Variants in SOX5 observed in about 807,000 individuals in gnomAD.
SOX5 encodes transcription factor SOX-5.
Under a neutral mutation model 92.0 loss-of-function variants are expected in SOX5, and 9 were observed. The observed-to-expected ratio is 0.10, with a 90% CI of 0.06 to 0.17. The LOEUF (loss-of-function observed/expected upper bound fraction) is 0.17. Ranked by LOEUF, SOX5 falls within the 10% of genes least tolerant of loss-of-function variation. The probability of loss-of-function intolerance (pLI) is 1.00; values close to 1 mark genes in which losing one functional copy is unlikely to be tolerated. For synonymous variants in SOX5, 344 were observed against 336.3 expected (o/e 1.02, Z -0.25); for missense variants, 642 against 944.5 (o/e 0.68, Z 4.20).
At chr12:23,602,798 A>T (rs986964172) in intron 9 of SOX5, among the ~76,000 whole-genome samples, 2 of 152,126 alleles carry the variant, frequency 1.3e-5, no homozygotes, top group African/African-American at 4.8e-5. Flanking sequence ...TGGTCCACAG[A>T]AACACTAAAA....
intron 7 of SOX5, among the ~76,000 whole-genome samples, chr12:23,658,463 TAATTC>T (rs1048573053): frequency 6.6e-6 from 1 of 152,178 alleles, no homozygotes; most frequent in Non-Finnish European, 1.5e-5. Flanking sequence ...GGTACCAAAA[TAATTC>T]AATTCTTTAC....
At chr12:23,657,055 A>T (rs148402808) in intron 7 of SOX5, among the ~76,000 whole-genome samples, 15 of 152,192 alleles carry the variant, frequency 9.9e-5, no homozygotes, top group African/African-American at 3.4e-4. Context: ...AGCCAAAATC[A>T]ATTATTAGGG....
In SOX5 at chr12:24,530,886, A is replaced by G. The variant is rs971723865; in HGVS notation, c.-251+31443T>C. Among the ~76,000 whole-genome samples, 19 of 152,304 alleles carry G rather than the reference A, an allele frequency of 1.2e-4. No homozygotes were observed. In the South Asian group the frequency reaches 2.5e-3, roughly 20 times the overall value. ...TCCAAAAATCTCTGGGGATGTCACA[A>G]TGAGGAATCTGGACACAGTGATAGC... On this transcript the variant is annotated intron_variant, in intron 1 of 4. Coordinates refer to the SOX5 transcript ENST00000446891.
At chr12:24,257,318 T>A (rs905794056) in intron 3 of SOX5, among the ~76,000 whole-genome samples, 1 of 152,218 alleles carries the variant, frequency 6.6e-6, no homozygotes, top group African/African-American at 2.4e-5. Context: ...TCTTCCTACA[T>A]TCATTATATA....
chr12:24,184,565 G>A (rs1001500805), intron 4 of SOX5, among the ~76,000 whole-genome samples: 5 of 152,060 alleles, frequency 3.3e-5, no homozygotes, highest in Admixed American at 3.3e-4. Flanking sequence ...TGTTAATTAG[G>A]ACAGACACCC....
At chr12:24,111,119 C>G (rs7307397) in intron 4 of SOX5, among the ~76,000 whole-genome samples, 1 of 151,442 alleles carries the variant, frequency 6.6e-6, no homozygotes, top group Non-Finnish European at 1.5e-5. Context: ...CATCCCCCAA[C>G]TGGGAAAAGC....
intron 4 of SOX5, among the ~76,000 whole-genome samples, chr12:24,200,503 T>G (rs6487376): frequency 0.34 from 51,990 of 151,496 alleles, 9,462 homozygotes; most frequent in East Asian, 0.48. Context: ...TTTTTTTTTT[T>G]AATTTGATCT....
chr12:23,825,366 G>A (rs929376031), intron 3 of SOX5, among the ~76,000 whole-genome samples: 3 of 152,138 alleles, frequency 2.0e-5, no homozygotes, highest in Admixed American at 6.5e-5. Context: ...GTGAGGCAAC[G>A]CCCTACCCTG....
intron 4 of SOX5, among the ~76,000 whole-genome samples, chr12:24,054,636 G>A (rs1639300889): frequency 6.6e-6 from 1 of 152,136 alleles, no homozygotes; most frequent in Non-Finnish European, 1.5e-5. Context: ...ACCCCTTCCA[G>A]GAATGGCACC....
intron 1 of SOX5, among the ~76,000 whole-genome samples, chr12:24,554,759 C>T (rs1953595771): frequency 1.3e-5 from 2 of 152,128 alleles, no homozygotes; most frequent in African/African-American, 4.8e-5. Flanking sequence ...ATCCTGATTA[C>T]CAGTCTGACT....
At chr12:24,082,934 AGATTTAAC>A (rs1569536986) in intron 4 of SOX5, among the ~76,000 whole-genome samples, 1 of 151,994 alleles carries the variant, frequency 6.6e-6, no homozygotes, top group Non-Finnish European at 1.5e-5. Context: ...ATATAATGAT[AGATTTAAC>A]GATAATAATG....
At chr12:23,861,452 C>T (rs1186670891) in intron 2 of SOX5, among the ~76,000 whole-genome samples, 1 of 151,986 alleles carries the variant, frequency 6.6e-6, no homozygotes, top group Non-Finnish European at 1.5e-5. Context: ...ATACTAAATC[C>T]TATGGAGTAT....
chr12:24,135,956 G>GT (rs1442334029), intron 4 of SOX5, among the ~76,000 whole-genome samples: 6 of 152,138 alleles, frequency 3.9e-5, no homozygotes, highest in East Asian at 3.9e-4. Context: ...ACCATTAAAG[G>GT]TTTTTTTAAA....
chr12:23,668,887 T>C (rs920582384), intron 6 of SOX5, among the ~76,000 whole-genome samples: 3 of 152,210 alleles, frequency 2.0e-5, no homozygotes, highest in African/African-American at 2.4e-5. Context: ...ACTTATATTA[T>C]CCCATTTATG....
intron 2 of SOX5, among the ~76,000 whole-genome samples, chr12:24,347,075 C>T (rs1425622593): frequency 6.6e-6 from 1 of 152,118 alleles, no homozygotes; most frequent in African/African-American, 2.4e-5. Context: ...ATACAGTCAG[C>T]CCTCCATATT....
At chr12:23,606,891 C>G (rs1349687672) in intron 8 of SOX5, among the ~76,000 whole-genome samples, 2 of 151,724 alleles carry the variant, frequency 1.3e-5, no homozygotes, top group African/African-American at 2.4e-5. Context: ...AGAGATAGAC[C>G]CAGTTGAATA....
chr12:23,686,625 G>T (rs911580135), intron 6 of SOX5, among the ~76,000 whole-genome samples: 2 of 152,032 alleles, frequency 1.3e-5, no homozygotes, highest in African/African-American at 4.8e-5. Flanking sequence ...TCTCTTTTAA[G>T]AAAAGCATAT....
chr12:24,096,079 T>C (rs1266532603), intron 4 of SOX5, among the ~76,000 whole-genome samples: 1 of 152,144 alleles, frequency 6.6e-6, no homozygotes, highest in Non-Finnish European at 1.5e-5. Flanking sequence ...TACTATTAAC[T>C]TTTACTTTTT....
chr12:23,688,166 C>A (rs1017615291), intron 6 of SOX5, among the ~76,000 whole-genome samples: 1 of 151,986 alleles, frequency 6.6e-6, no homozygotes. Context: ...AATAGAATGG[C>A]CTGACATCAC....
Sources: allele counts gnomAD v4.1 joint callset (sites outside exome capture counted in the v4.1 genomes callset), GRCh38; gene constraint gnomAD v4.1.1; transcripts MANE v1.5; gene names NCBI Gene and HGNC (gene_info 2026-07-23, HGNC 2026-07-21).